BBS9: variants seen among roughly 807,000 people sequenced by gnomAD.
BBS9 encodes Bardet-Biedl syndrome 9.
In BBS9, 89 loss-of-function variants were observed where a neutral mutation model predicts 117.7. The ratio of observed to expected loss-of-function variants is 0.76; its 90% CI spans 0.64 to 0.90. The LOEUF (loss-of-function observed/expected upper bound fraction) is 0.90, where lower values mean the gene tolerates loss of function less well. Among genes scored for constraint, BBS9 ranks in the 40% least tolerant of loss-of-function variants. BBS9 has a pLI of 0.00. For missense variants in BBS9, 982 were observed against 1,042.2 expected (o/e 0.94, Z 0.80); for synonymous variants, 379 against 370.9 (o/e 1.02, Z -0.25).
chr7:33,221,127 T>C (rs1790162602), intron 5 of BBS9, among the ~76,000 whole-genome samples: 1 of 152,232 alleles, frequency 6.6e-6, no homozygotes, highest in African/African-American at 2.4e-5. Flanking sequence ...TGTGAAGCTC[T>C]GCTGTGTTGG....
intron 19 of BBS9, among the ~76,000 whole-genome samples, chr7:33,419,248 T>A (rs1246659263): frequency 6.6e-6 from 1 of 152,192 alleles, no homozygotes; most frequent in African/African-American, 2.4e-5. Flanking sequence ...AATGAAAATA[T>A]CTGTCACTTA....
intron 21 of BBS9, among the ~76,000 whole-genome samples, chr7:33,550,237 TTC>T (rs1289707927): frequency 6.6e-6 from 1 of 152,182 alleles, no homozygotes; most frequent in Non-Finnish European, 1.5e-5. Flanking sequence ...AGATGAATGT[TTC>T]TGTTTTCAGT....
intron 18 of BBS9, among the ~76,000 whole-genome samples, chr7:33,384,748 A>G (rs1243481977): frequency 6.7e-6 from 1 of 148,574 alleles, no homozygotes; most frequent in East Asian, 1.9e-4. Context: ...GAGAATTACC[A>G]GTCATATAAT....
intron 1 of BBS9, among the ~76,000 whole-genome samples, chr7:33,131,953 A>G (rs1789684505): frequency 6.6e-6 from 1 of 152,212 alleles, no homozygotes; most frequent in Non-Finnish European, 1.5e-5. Context: ...AGTATAGAAG[A>G]GAATTTCTGG....
intron 21 of BBS9, among the ~76,000 whole-genome samples, chr7:33,566,197 G>T (rs2129128133): frequency 6.6e-6 from 1 of 151,736 alleles, no homozygotes; most frequent in East Asian, 1.9e-4. Flanking sequence ...TTATTGTTAA[G>T]ATATTGGCAT....
chr7:33,531,280 T>A (rs1850542810), intron 20 of BBS9, among the ~76,000 whole-genome samples: 2 of 152,106 alleles, frequency 1.3e-5, no homozygotes. Context: ...GCGAGCCTCA[T>A]AAACCTAGAA....
chr7:33,221,293 A>C (rs1003550933), intron 5 of BBS9, among the ~76,000 whole-genome samples: 1 of 152,198 alleles, frequency 6.6e-6, no homozygotes, highest in Admixed American at 6.5e-5. Flanking sequence ...TCTCCAGTAC[A>C]TAGTCCACTC....
intron 21 of BBS9, among the ~76,000 whole-genome samples, chr7:33,628,901 T>G (rs1865761991): frequency 6.6e-6 from 1 of 152,196 alleles, no homozygotes; most frequent in Non-Finnish European, 1.5e-5. Flanking sequence ...ATTGCAATAC[T>G]CTTGCCTGCT....
rs1479373789 is a variant in BBS9 at position 33,436,804 on chromosome 7, A to C, written c.2115+48660A>C. 1.8e-4 allele frequency among the ~76,000 whole-genome samples: 27 copies of C among 152,242 alleles called. 1 individual carries two copies. Among genetic ancestry groups the C allele is most frequent in the Admixed American group, 1.8e-3 (27 of 15,290 alleles). On this transcript the variant is annotated intron_variant, in intron 19 of 22. Transcript: ENST00000242067. ...TTCTTCACTGATATCCCTAAATGTT[A>C]GTAAGTGTTCTCATTGTTAATAGAT...
intron 21 of BBS9, among the ~76,000 whole-genome samples, chr7:33,630,349 AT>A (rs200951902): frequency 8.0e-5 from 12 of 150,870 alleles, no homozygotes; most frequent in Non-Finnish European, 1.3e-4. Flanking sequence ...ACAAGTTCAA[AT>A]TTTTTTTTTC....
At chr7:33,423,023 G>C (rs1381279054) in intron 19 of BBS9, among the ~76,000 whole-genome samples, 1 of 152,178 alleles carries the variant, frequency 6.6e-6, no homozygotes, top group Non-Finnish European at 1.5e-5. Flanking sequence ...CCTTCTATCA[G>C]AACTGAATGC....
chr7:33,413,975 T>C (rs1200496021), intron 19 of BBS9, among the ~76,000 whole-genome samples: 2 of 152,040 alleles, frequency 1.3e-5, no homozygotes, highest in African/African-American at 2.4e-5. Context: ...GGTGAGCTGA[T>C]AATGCGCCAT....
intron 19 of BBS9, among the ~76,000 whole-genome samples, chr7:33,430,585 G>A (rs1418892690): frequency 6.6e-6 from 1 of 152,124 alleles, no homozygotes; most frequent in East Asian, 1.9e-4. Context: ...CTTGTTTATC[G>A]AAAGCAGTGG....
chr7:33,472,040 C>T lies in BBS9; in HGVS notation c.2116-33423C>T, dbSNP rs1841115392. ...AAAAACCCCACTTTCCTCTTAGGACCTTTTGACTGACAGAGAAACTTCTAG... is the reference window on the plus strand; with the variant it reads ...AAAAACCCCACTTTCCTCTTAGGACTTTTTGACTGACAGAGAAACTTCTAG... On this transcript the variant is annotated intron_variant, in intron 19 of 22. Transcript: ENST00000242067. Among the ~76,000 whole-genome samples the T allele has an allele frequency of 1.3e-5, 2 of 152,286 alleles. 1 individual carries two copies. The highest frequency in any genetic ancestry group is 4.1e-4 in the South Asian group (2 of 4,822).
chr7:33,151,232 A>C (rs2128105517), intron 2 of BBS9, among the ~76,000 whole-genome samples: 1 of 152,320 alleles, frequency 6.6e-6, no homozygotes, highest in Admixed American at 6.5e-5. Flanking sequence ...AGCCTGGGCA[A>C]CAGAGTGAGA....
At chr7:33,589,755 T>C (rs553512667) in intron 21 of BBS9, among the ~76,000 whole-genome samples, 1 of 152,048 alleles carries the variant, frequency 6.6e-6, no homozygotes, top group East Asian at 1.9e-4. Context: ...TAAGTGGAGA[T>C]ATTAAGTAAG....
chr7:33,189,219 A>G (rs529853596), intron 5 of BBS9, among the ~76,000 whole-genome samples: 1 of 152,016 alleles, frequency 6.6e-6, no homozygotes, highest in Non-Finnish European at 1.5e-5. Context: ...GGGTTTTGCC[A>G]TATTGCCCAG....
chr7:33,512,239 C>T lies in BBS9; in HGVS notation c.2298+6594C>T, dbSNP rs567579242. The stretch of plus-strand genomic sequence containing the variant: ...TAGAGGCTTTCTGATGGTTTTCTTG[C>T]TGTTTTGAAAAATTGAAATAGTTGA... On this transcript the variant is annotated intron_variant, in intron 20 of 22. Coordinates refer to ENST00000242067, the MANE Select transcript of BBS9 (RefSeq NM_198428.3). Among the ~76,000 whole-genome samples, 4 of 152,176 alleles carry T rather than the reference C, an allele frequency of 2.6e-5. No homozygotes were observed. In the East Asian group the frequency reaches 7.7e-4, roughly 29 times the overall value.
intron 5 of BBS9, among the ~76,000 whole-genome samples, chr7:33,225,965 A>G (rs1009789720): frequency 6.6e-5 from 10 of 152,196 alleles, no homozygotes; most frequent in African/African-American, 1.7e-4. Flanking sequence ...ACACATTTGT[A>G]TATATATTTG....
Sources: gnomAD v4.1 joint callset for allele counts (sites outside exome capture counted in the v4.1 genomes callset) on GRCh38, gnomAD v4.1.1 for gene constraint, MANE v1.5 for transcripts, NCBI Gene and HGNC (gene_info 2026-07-23, HGNC 2026-07-21) for gene names.